The following VPS13B variants were observed in gnomAD, a reference collection of about 807,000 sequenced individuals.
The protein encoded by VPS13B is vacuolar protein sorting 13 homolog B, also known as intermembrane lipid transfer protein VPS13B.
Under a neutral mutation model 426.4 loss-of-function variants are expected in VPS13B, and 285 were observed. The observed-to-expected ratio is 0.67, with a 90% CI of 0.61 to 0.74. The LOEUF is 0.74. VPS13B is among the 30% of genes least tolerant of loss of function. VPS13B has a pLI of 0.00. For synonymous variants in VPS13B, 1,676 were observed against 1,676.4 expected (o/e 1.00, Z 0.01); for missense variants, 4,537 against 4,782.6 (o/e 0.95, Z 1.51).
At chr8:99,029,803 G>GGGAGAGGGAGAC (rs1842417892) in intron 2 of VPS13B, among the ~76,000 whole-genome samples, 2 of 145,860 alleles carry the variant, frequency 1.4e-5, no homozygotes, top group African/African-American at 5.1e-5. Flanking sequence ...GAGAGGGAGA[G>GGGAGAGGGAGAC]GGAGACGGAG....
intron 54 of VPS13B, among the ~76,000 whole-genome samples, chr8:99,843,637 G>A (rs1815825584): frequency 6.6e-6 from 1 of 152,322 alleles, no homozygotes; most frequent in Non-Finnish European, 1.5e-5. Flanking sequence ...GCCTATGGCA[G>A]TTCTGAATGT....
intron 17 of VPS13B, among the ~76,000 whole-genome samples, chr8:99,231,301 TTTG>T (rs1027569613): frequency 6.6e-6 from 1 of 152,108 alleles, no homozygotes; most frequent in African/African-American, 2.4e-5. Context: ...ATATATTTCT[TTTG>T]TTGTTGTTGT....
chr8:99,127,104 G>GAA (rs574092055), intron 8 of VPS13B, among the ~76,000 whole-genome samples: 2 of 135,916 alleles, frequency 1.5e-5, no homozygotes, highest in Admixed American at 1.5e-4. Context: ...TCAAAAAAAA[G>GAA]AAAAAAAAAA....
At chr8:99,196,831 C>T (rs1167198502) in intron 17 of VPS13B, among the ~76,000 whole-genome samples, 1 of 151,930 alleles carries the variant, frequency 6.6e-6, no homozygotes, top group Admixed American at 6.6e-5. Flanking sequence ...CTTCCTCTTG[C>T]TTAGTTTTTC....
Position 99,431,470 on chromosome 8 carries a change from C to T in VPS13B, c.3083-67C>T, listed in dbSNP as rs535236471. On this transcript the variant is annotated intron_variant, in intron 21 of 61. Coordinates refer to ENST00000357162, the MANE Select transcript of VPS13B (RefSeq NM_152564.5). Reference sequence around the variant, plus strand: ...AAGGAAAGAAACAATCTTGAAAATACGTTTGGTATGTTCTGTGAAATTGTA... The same window carrying T: ...AAGGAAAGAAACAATCTTGAAAATATGTTTGGTATGTTCTGTGAAATTGTA... 7.0e-5 allele frequency: 110 copies of T among 1,560,336 alleles called. No homozygotes were observed. The African/African-American group carries it at 1.1e-3, about 15-fold the overall frequency.
Position 99,820,092 on chromosome 8 carries a change from T to C in VPS13B, c.8964T>C (p.Ala2988=), listed in dbSNP as rs756929597. 1.9e-6 allele frequency: 3 copies of C among 1,613,962 alleles called. No homozygotes were observed. Among genetic ancestry groups the C allele is most frequent in the Non-Finnish European group, 2.5e-6 (3 of 1,179,840 alleles). ...AGAAAATTGTTCTACAGGTTCCTGC[T>C]GGCAAAATTATTATTCCTCCTAATT... is the stretch of plus-strand genomic sequence containing the variant. ...EGEKIVLQVP[A]GKIIIPPNFQ... Residue 2988 remains alanine, a synonymous_variant, in exon 49 of 62, where the codon GCT becomes GCC. Coordinates refer to ENST00000357162, the MANE Select transcript of VPS13B (RefSeq NM_152564.5).
chr8:99,080,279 T>C (rs1465377570), intron 3 of VPS13B, among the ~76,000 whole-genome samples: 1 of 152,044 alleles, frequency 6.6e-6, no homozygotes, highest in African/African-American at 2.4e-5. Flanking sequence ...TTTGTATTTT[T>C]CTTGCTTTTG....
chr8:99,074,717 C>T (rs1845028409), intron 3 of VPS13B, among the ~76,000 whole-genome samples: 1 of 151,978 alleles, frequency 6.6e-6, no homozygotes, highest in Non-Finnish European at 1.5e-5. Context: ...CTCACTGCAA[C>T]ATCTGCCTCC....
At chr8:99,668,511 G>A (rs1215859906) in intron 35 of VPS13B, among the ~76,000 whole-genome samples, 1 of 152,090 alleles carries the variant, frequency 6.6e-6, no homozygotes, top group Non-Finnish European at 1.5e-5. Flanking sequence ...TCTAAACAAG[G>A]TGATACAAAT....
chr8:99,503,020 C>T, intron 27 of VPS13B, 70 bp downstream of exon 27: 1 of 1,204,154 alleles, frequency 8.3e-7, no homozygotes, highest in Non-Finnish European at 1.2e-6. Flanking sequence ...AAGACTTTTT[C>T]TATTTTAATT....
At chr8:99,841,573 G>T (rs1448693172) in intron 54 of VPS13B, among the ~76,000 whole-genome samples, 1 of 152,174 alleles carries the variant, frequency 6.6e-6, no homozygotes, top group African/African-American at 2.4e-5. Flanking sequence ...AAAAGTAGAT[G>T]CTACCCAAAG....
Position 99,484,837 on chromosome 8 carries a change from T to C in VPS13B, c.3870+3035T>C, listed in dbSNP as rs1486519587. On this transcript the variant is annotated intron_variant, in intron 25 of 61. Coordinates refer to ENST00000357162, the MANE Select transcript of VPS13B (RefSeq NM_152564.5). ...AACCATCTGGGTGACAGAGTGAGAC[T>C]GTGTCCTGTCTCAAAAAAAAAAAAA... Among the ~76,000 whole-genome samples the C allele has an allele frequency of 2.7e-5, 4 of 147,052 alleles. No homozygotes were observed. In the East Asian group the frequency reaches 6.1e-4, roughly 22 times the overall value.
At chr8:99,805,265 GT>G (rs1295269163) in intron 43 of VPS13B, among the ~76,000 whole-genome samples, 1 of 151,260 alleles carries the variant, frequency 6.6e-6, no homozygotes, top group African/African-American at 2.4e-5. Context: ...ACACAAATGA[GT>G]GTGAAGATAA....
At chr8:99,161,712 G>C (rs569877929) in intron 15 of VPS13B, among the ~76,000 whole-genome samples, 29 of 150,588 alleles carry the variant, frequency 1.9e-4, no homozygotes, top group Non-Finnish European at 3.5e-4. Flanking sequence ...ACCATTCCCT[G>C]GTGTTAAGTG....
At chr8:99,604,592 C>T (rs887313174) in intron 33 of VPS13B, among the ~76,000 whole-genome samples, 2 of 151,322 alleles carry the variant, frequency 1.3e-5, no homozygotes, top group African/African-American at 2.4e-5. Flanking sequence ...CTCCGCCTCC[C>T]GGGTTCACGC....
chr8:99,652,122 A>G (rs1829838848), intron 34 of VPS13B, among the ~76,000 whole-genome samples: 1 of 152,108 alleles, frequency 6.6e-6, no homozygotes, highest in African/African-American at 2.4e-5. Context: ...CAATTTCTGC[A>G]TTTTGAAGTT....
At chr8:99,531,481 G>C (rs1822933637) in intron 30 of VPS13B, among the ~76,000 whole-genome samples, 1 of 151,922 alleles carries the variant, frequency 6.6e-6, no homozygotes, top group Admixed American at 6.6e-5. Flanking sequence ...TTTTCTCCTA[G>C]TAAAATTTAG....
At chr8:99,340,943 G>C in intron 19 of VPS13B, 1 of 283,872 alleles carries the variant, frequency 3.5e-6, no homozygotes, top group South Asian at 5.0e-5. Flanking sequence ...GGCTGGGAGA[G>C]AGCTCCCCCT....
intron 19 of VPS13B, among the ~76,000 whole-genome samples, chr8:99,365,078 G>C (rs950886027): frequency 6.6e-6 from 1 of 150,876 alleles, no homozygotes; most frequent in Non-Finnish European, 1.5e-5. Flanking sequence ...GTTGCTGATA[G>C]TAGCCACTAA....
Sources: gnomAD v4.1 joint callset for allele counts (sites outside exome capture counted in the v4.1 genomes callset) on GRCh38, gnomAD v4.1.1 for gene constraint, MANE v1.5 for transcripts, NCBI Gene and HGNC (gene_info 2026-07-23, HGNC 2026-07-21) for gene names.